CAMK2G: variants seen among roughly 807,000 people sequenced by gnomAD.
CAMK2G encodes calcium/calmodulin dependent protein kinase II gamma, also known as calcium/calmodulin-dependent protein kinase type II subunit gamma.
CAMK2G carries 23 observed loss-of-function variants against 88.7 expected under a neutral mutation model. The ratio of observed to expected loss-of-function variants is 0.26; its 90% confidence interval spans 0.19 to 0.37. The LOEUF is 0.37. CAMK2G is among the 10% of genes least tolerant of loss of function. CAMK2G has a pLI of 1.00. For missense variants in CAMK2G, 476 were observed against 780.8 expected (o/e 0.61, Z 4.65); for synonymous variants, 263 against 294.8 (o/e 0.89, Z 1.11).
chr10:73,817,174 C>T (rs2085911958), intron 20 of CAMK2G, 57 bp from the exon 21 acceptor site: 3 of 1,549,726 alleles, frequency 1.9e-6, no homozygotes, highest in Non-Finnish European at 2.6e-6. Context: ...ACTTGTCTTC[C>T]TTCCTTATCA....
At chr10:73,874,291 C>A in intron 1 of CAMK2G, 106 bp downstream of exon 1, 1 of 660,874 alleles carries the variant, frequency 1.5e-6, no homozygotes, top group Non-Finnish European at 2.0e-6. Context: ...GGTGGGGCGG[C>A]CGAGGGGGAG....
rs552135705 is a variant in CAMK2G at position 73,817,361 on chromosome 10, C to T, written c.1439+118G>A. The T allele has an allele frequency of 1.0e-4, 86 of 855,208 alleles. No individual in the cohort carries two copies. In the African/African-American group the frequency reaches 1.2e-3, roughly 12 times the overall value. 53.0% of individuals were successfully genotyped at this position (855,208 alleles called of 1,614,324 possible). ...GCTCCCAGTTTAGGAGAGGGCTTAA[C>T]TCAGATACTTTGCCCAAGGTCCAAC... On this transcript the variant is annotated intron_variant, in intron 20 of 22. Coordinates refer to ENST00000423381, the MANE Select transcript of CAMK2G (RefSeq NM_001367534.1).
chr10:73,869,634 C>T (rs568217097), intron 2 of CAMK2G, among the ~76,000 whole-genome samples: 2 of 152,364 alleles, frequency 1.3e-5, no homozygotes, highest in African/African-American at 2.4e-5. Flanking sequence ...ACGTCAGGCA[C>T]TTCGCTAGGG....
intron 3 of CAMK2G, among the ~76,000 whole-genome samples, chr10:73,855,170 C>T (rs1315001787): frequency 2.0e-5 from 3 of 152,154 alleles, no homozygotes; most frequent in African/African-American, 4.8e-5. Context: ...CAAGTCCTCT[C>T]GAAGTCCTGC....
chr10:73,837,300 C>A, intron 14 of CAMK2G, 168 bp downstream of exon 14: 1 of 706,874 alleles, frequency 1.4e-6, no homozygotes, highest in African/African-American at 1.8e-5. Flanking sequence ...TCCCTACTTC[C>A]CTCTCAGGCC....
intron 4 of CAMK2G, 185 bp from the exon 5 acceptor site, chr10:73,852,504 T>C: frequency 1.7e-6 from 1 of 593,498 alleles, no homozygotes. Context: ...CCTTGAGGTA[T>C]CATGGGCCGT....
chr10:73,831,534 TAAAAAAA>T lies in CAMK2G; in HGVS notation c.1054-3420_1054-3414del, dbSNP rs985986206. On this transcript the variant is annotated intron_variant, in intron 14 of 22. Transcript: ENST00000423381. ...GCCTGGGTGAGAGTGAGACTCCGTC[TAAAAAAA>T]AAAAAAAAAAAAAAAAAAGAAAGCA... Among the ~76,000 whole-genome samples, 4 of 54,636 alleles carry T rather than the reference TAAAAAAA, an allele frequency of 7.3e-5. No homozygotes were observed. In the East Asian group the frequency reaches 1.5e-3, roughly 21 times the overall value. 35.8% of individuals were successfully genotyped at this position (54,636 alleles called of 152,430 possible).
At chr10:73,849,771 T>A (rs1300582232) in intron 5 of CAMK2G, among the ~76,000 whole-genome samples, 1 of 152,208 alleles carries the variant, frequency 6.6e-6, no homozygotes, top group Non-Finnish European at 1.5e-5. Context: ...CAACCTAAGC[T>A]ACTTTGGCGG....
chr10:73,840,058 C>A (rs974655918), intron 12 of CAMK2G, among the ~76,000 whole-genome samples: 1 of 152,182 alleles, frequency 6.6e-6, no homozygotes, highest in African/African-American at 2.4e-5. Context: ...CTCTACATCC[C>A]ACACACTAGA....
chr10:73,814,987 C>T lies in CAMK2G; in HGVS notation c.*12+16G>A, dbSNP rs779149832. 35 of 1,556,860 alleles carry T rather than the reference C, an allele frequency of 2.2e-5. No individual in the cohort carries two copies. In the South Asian group the frequency reaches 3.1e-4, roughly 14 times the overall value. ...CCAGGCCCTTCCAGCCCCTCTCCCC[C>T]GTCAACCAGGTGCACCTGTGGCTGA... On this transcript the variant is annotated intron_variant, in intron 22 of 22. Transcript: ENST00000423381.
rs1391872079 is a variant in CAMK2G at position 73,819,311 on chromosome 10, T to C, written c.1363+221A>G. ...CTCCCCTCATCCCAGGCCATGTTTT[T>C]CCACCCACACTTCTCATATTTCTTT... is the stretch of plus-strand genomic sequence containing the variant. On this transcript the variant is annotated intron_variant, in intron 19 of 22. Coordinates refer to ENST00000423381, the MANE Select transcript of CAMK2G (RefSeq NM_001367534.1). Among the ~76,000 whole-genome samples, 3 of 152,178 alleles carry C rather than the reference T, an allele frequency of 2.0e-5. No individual in the cohort carries two copies. In the East Asian group the frequency reaches 5.8e-4, roughly 29 times the overall value.
chr10:73,842,631 T>A lies in CAMK2G; in HGVS notation c.820-90A>T. 1 of 900,556 alleles carries A rather than the reference T, an allele frequency of 1.1e-6. No homozygotes were observed. The highest frequency in any genetic ancestry group is 2.4e-5 in the East Asian group (1 of 41,288). The allele number at this position is 900,556 out of a possible 1,614,324, so 55.8% of individuals were successfully genotyped here. A position where few individuals can be genotyped will look rare whatever the true frequency, so the allele number is the denominator to read the frequency against. On this transcript the variant is annotated intron_variant, in intron 10 of 22. Coordinates refer to ENST00000423381, the MANE Select transcript of CAMK2G (RefSeq NM_001367534.1). This position sits in a 1 kb window ranked among gnomAD's most constrained non-coding sequence, Gnocchi z 4.6. Reference sequence around the variant, plus strand: ...CACCGATACCATGCCCAGGACAGGGTCATGCACTCAGCCACCCCAGAGTTG... The same window carrying A: ...CACCGATACCATGCCCAGGACAGGGACATGCACTCAGCCACCCCAGAGTTG...
chr10:73,865,020 A>G (rs942015769), intron 2 of CAMK2G, among the ~76,000 whole-genome samples: 2 of 152,200 alleles, frequency 1.3e-5, no homozygotes, highest in Non-Finnish European at 2.9e-5. Context: ...AGAGTTTTGC[A>G]TAAGGTCTGG....
intron 18 of CAMK2G, among the ~76,000 whole-genome samples, chr10:73,820,411 G>A (rs1258607180): frequency 6.9e-6 from 1 of 145,970 alleles, no homozygotes; most frequent in Non-Finnish European, 1.5e-5. Context: ...AAAATCTTAG[G>A]ACTAGAGTGA....
chr10:73,853,197 A>G lies in CAMK2G; in HGVS notation c.270T>C (p.Phe90=). ...ISEEGFHYLV[F]DLVTGGELFE... ...CCTCAGAAAGTGGCACTTACAGGTCAAACACGAGGTAGTGAAACCCTTCTT... is the reference window on the plus strand; with the variant it reads ...CCTCAGAAAGTGGCACTTACAGGTCGAACACGAGGTAGTGAAACCCTTCTT... The change falls in exon 4 of 23, where the codon TTT becomes TTC. Residue 90 remains phenylalanine (F), a synonymous_variant. Coordinates refer to ENST00000423381, the MANE Select transcript of CAMK2G (RefSeq NM_001367534.1). 3.1e-6 allele frequency: 5 copies of G among 1,614,052 alleles called. No individual in the cohort carries two copies. Among genetic ancestry groups the G allele is most frequent in the Non-Finnish European group, 4.2e-6 (5 of 1,179,854 alleles).
intron 12 of CAMK2G, among the ~76,000 whole-genome samples, chr10:73,841,656 T>A (rs17630952): frequency 0.18 from 27,677 of 152,194 alleles, 2,621 homozygotes; most frequent in South Asian, 0.24. Flanking sequence ...AGCTAGTATC[T>A]CAGGGACTAT....
intron 14 of CAMK2G, among the ~76,000 whole-genome samples, chr10:73,834,803 GACCTTCATCTTTGAC>G (rs1354303869): frequency 6.6e-6 from 1 of 152,178 alleles, no homozygotes; most frequent in Non-Finnish European, 1.5e-5. Context: ...GGCTGCACAT[GACCTTCATCTTTGAC>G]ACCAGTAGTA....
At chr10:73,836,393 A>G (rs1164322884) in intron 14 of CAMK2G, among the ~76,000 whole-genome samples, 1 of 152,140 alleles carries the variant, frequency 6.6e-6, no homozygotes, top group African/African-American at 2.4e-5. Flanking sequence ...ACTGACAGGT[A>G]CTTATTAAAC....
At chr10:73,819,759 G>A (rs905496673) in intron 18 of CAMK2G, 114 bp from the exon 19 acceptor site, 22 of 640,762 alleles carry the variant, frequency 3.4e-5, no homozygotes, top group East Asian at 1.7e-4. Flanking sequence ...CTGCAGAGCC[G>A]GGGCAAGGGG....
Sources: allele counts gnomAD v4.1 joint callset (sites outside exome capture counted in the v4.1 genomes callset), GRCh38; gene constraint gnomAD v4.1.1; non-coding constraint Gnocchi (gnomAD v3.1); transcripts MANE v1.5; gene names NCBI Gene and HGNC (gene_info 2026-07-23, HGNC 2026-07-21).